The following LRRC75A variants were observed in gnomAD, a reference collection of about 807,000 sequenced individuals.
The protein encoded by LRRC75A is leucine-rich repeat-containing protein 75A.
LRRC75A carries 12 observed loss-of-function variants against 26.0 expected under a neutral mutation model. The observed-to-expected ratio is 0.46, with a 90% CI of 0.30 to 0.75. The LOEUF is 0.75. LRRC75A is among the 30% of genes least tolerant of loss of function. The probability of loss-of-function intolerance (pLI) is 0.08; values close to 1 mark genes in which losing one functional copy is unlikely to be tolerated. For synonymous variants in LRRC75A, 223 were observed against 219.3 expected, an observed-to-expected ratio of 1.02 and a Z score of -0.15; for missense variants, 410 against 486.6, an observed-to-expected ratio of 0.84 and a Z score of 1.48.
In LRRC75A at chr17:16,480,215, G is replaced by A. The variant is rs559260088; in HGVS notation, c.246+11530C>T. On this transcript the variant is annotated intron_variant, in intron 1 of 3. Coordinates refer to ENST00000470794, the MANE Select transcript of LRRC75A (RefSeq NM_001113567.3). ...TAATTATTTCATTATATTACAATGC[G>A]GTAATAACAGAAATAAAGTACACAA... Among the ~76,000 whole-genome samples, 85 of 152,218 alleles carry A rather than the reference G, an allele frequency of 5.6e-4. 1 individual carries two copies. Among genetic ancestry groups the A allele is most frequent in the Middle Eastern group, 6.8e-3 (2 of 294 alleles).
At chr17:16,463,885 G>C (rs1179818280) in intron 1 of LRRC75A, 3 of 152,364 alleles carry the variant, frequency 2.0e-5, no homozygotes, top group Non-Finnish European at 2.9e-5. Context: ...TCTGCCAGGG[G>C]GTGGTGAGAG....
chr17:16,482,331 T>C (rs1352485595), intron 1 of LRRC75A, among the ~76,000 whole-genome samples: 2 of 151,652 alleles, frequency 1.3e-5, no homozygotes, highest in African/African-American at 2.4e-5. Flanking sequence ...GGAGGCTCCA[T>C]GGGGACAGCG....
At chr17:16,454,408 C>T (rs1305306430) in intron 2 of LRRC75A, among the ~76,000 whole-genome samples, 1 of 145,456 alleles carries the variant, frequency 6.9e-6, no homozygotes, top group African/African-American at 2.6e-5. Context: ...AACAAACAAA[C>T]AGGCCAGGCG....
chr17:16,486,798 G>A (rs966882254), intron 1 of LRRC75A, among the ~76,000 whole-genome samples: 2 of 152,212 alleles, frequency 1.3e-5, no homozygotes, highest in African/African-American at 2.4e-5. Flanking sequence ...CCAACCACAC[G>A]GAAAGCAAAC....
In LRRC75A at chr17:16,444,074, G is replaced by A; in HGVS notation, c.549C>T (p.Ile183=). The A allele has an allele frequency of 1.9e-6, 3 of 1,612,560 alleles. No homozygotes were observed. The highest frequency in any genetic ancestry group is 2.5e-6 in the Non-Finnish European group (3 of 1,179,244). ...PPDNTVDLSG[I]PLTSRDLERV... is the part of the protein sequence containing the mutation. ...GCTCCAGGTCTCGGGAGGTCAGTGG[G>A]ATTCCCGACAGGTCCACTGTGTTGT... The change falls in exon 4 of 4, where the codon ATC becomes ATT. Residue 183 remains isoleucine (I), a synonymous_variant. Coordinates refer to ENST00000470794, the MANE Select transcript of LRRC75A (RefSeq NM_001113567.3).
In LRRC75A at chr17:16,444,039, C is replaced by CTA; in HGVS notation, c.583_584insTA (p.Ser195IlefsTer11). Reference sequence around the variant, plus strand: ...CTGCTCCCCACAGCGCTGTAGGTAGCTGGTCACCCGCTCCAGGTCTCGGGA... The same window carrying CTA: ...CTGCTCCCCACAGCGCTGTAGGTAGCTATGGTCACCCGCTCCAGGTCTCGGGA... On this transcript the variant is annotated frameshift_variant, in exon 4 of 4. Transcript: ENST00000470794. LOFTEE classifies it high-confidence loss of function. The CTA allele has an allele frequency of 6.2e-7, 1 of 1,613,662 alleles. No individual in the cohort carries two copies. The highest frequency in any genetic ancestry group is 8.5e-7 in the Non-Finnish European group (1 of 1,179,810).
At chr17:16,474,686 T>G (rs1229030999) in intron 1 of LRRC75A, among the ~76,000 whole-genome samples, 1 of 152,062 alleles carries the variant, frequency 6.6e-6, no homozygotes, top group Non-Finnish European at 1.5e-5. Context: ...TCTGCCCAAG[T>G]GAAATGAAAC....
intron 2 of LRRC75A, among the ~76,000 whole-genome samples, chr17:16,461,468 T>A (rs2093726914): frequency 6.6e-6 from 1 of 152,154 alleles, no homozygotes; most frequent in Non-Finnish European, 1.5e-5. Flanking sequence ...TCCCGCCAGG[T>A]CGGGCTGCAT....
At chr17:16,483,711 G>A (rs1023492260) in intron 1 of LRRC75A, among the ~76,000 whole-genome samples, 4 of 152,172 alleles carry the variant, frequency 2.6e-5, no homozygotes, top group African/African-American at 7.2e-5. Context: ...AGAACTGAGG[G>A]CTCCTGGCTC....
At chr17:16,456,287 AGGAAGAGAAGGAAGAG>A (rs1207914726) in intron 2 of LRRC75A, among the ~76,000 whole-genome samples, 10 of 138,938 alleles carry the variant, frequency 7.2e-5, no homozygotes, top group Non-Finnish European at 1.4e-4. Flanking sequence ...GAAGAGGAGG[AGGAAGAGAAGGAAGAG>A]GAGGAGGAGG....
At chr17:16,482,035 A>G (rs1204001369) in intron 1 of LRRC75A, among the ~76,000 whole-genome samples, 1 of 151,882 alleles carries the variant, frequency 6.6e-6, no homozygotes, top group Non-Finnish European at 1.5e-5. Context: ...AGGAATTCTG[A>G]CTGTTACGCT....
intron 1 of LRRC75A, among the ~76,000 whole-genome samples, chr17:16,487,622 T>C (rs925575327): frequency 1.3e-5 from 2 of 152,216 alleles, no homozygotes; most frequent in Non-Finnish European, 2.9e-5. Context: ...TATTTGCATT[T>C]GTAGAGACAG....
At chr17:16,446,161 G>A (rs1438812144) in intron 3 of LRRC75A, among the ~76,000 whole-genome samples, 1 of 151,974 alleles carries the variant, frequency 6.6e-6, no homozygotes, top group Non-Finnish European at 1.5e-5. Flanking sequence ...CGCCCATCTG[G>A]GCCTCCCAAA....
chr17:16,452,968 C>T (rs937578161), intron 2 of LRRC75A, among the ~76,000 whole-genome samples: 7 of 152,106 alleles, frequency 4.6e-5, no homozygotes, highest in African/African-American at 1.7e-4. Flanking sequence ...CCTGTCCACC[C>T]TCTCAGCCTG....
At chr17:16,472,426 C>T (rs1423415847) in intron 1 of LRRC75A, among the ~76,000 whole-genome samples, 1 of 152,028 alleles carries the variant, frequency 6.6e-6, no homozygotes, top group Non-Finnish European at 1.5e-5. Flanking sequence ...GGGACTGAGA[C>T]CCCCCCACTG....
intron 1 of LRRC75A, among the ~76,000 whole-genome samples, chr17:16,479,467 A>G (rs574595930): frequency 6.6e-6 from 1 of 152,344 alleles, no homozygotes; most frequent in African/African-American, 2.4e-5. Context: ...GTACTGCACA[A>G]GGGTGTCTGA....
intron 3 of LRRC75A, among the ~76,000 whole-genome samples, chr17:16,445,038 G>A (rs917101182): frequency 4.0e-5 from 6 of 150,568 alleles, no homozygotes; most frequent in South Asian, 2.1e-4. Flanking sequence ...TAGTAGAGAC[G>A]GGGTTTCACC....
At chr17:16,478,888 C>G (rs963796273) in intron 1 of LRRC75A, among the ~76,000 whole-genome samples, 1 of 152,162 alleles carries the variant, frequency 6.6e-6, no homozygotes, top group African/African-American at 2.4e-5. Flanking sequence ...AGGACTGGCA[C>G]GTCCTAGGAA....
rs1471140459 is a variant in LRRC75A at position 16,456,401 on chromosome 17, AG to A, written c.375+5856del. Among the ~76,000 whole-genome samples the A allele has an allele frequency of 2.0e-5, 3 of 149,270 alleles. No homozygotes were observed. The East Asian group carries it at 6.0e-4, about 30-fold the overall frequency. On this transcript the variant is annotated intron_variant, in intron 2 of 3. Coordinates refer to ENST00000470794, the MANE Select transcript of LRRC75A (RefSeq NM_001113567.3). Reference sequence around the variant, plus strand: ...GAGGAGGAAGAGAAGAAGGAAAAGGAGGAAGAGGAGGAGGAGGAAGAGGAGC... The same window carrying A: ...GAGGAGGAAGAGAAGAAGGAAAAGGAGAAGAGGAGGAGGAGGAAGAGGAGC...
Sources: allele counts gnomAD v4.1 joint callset (sites outside exome capture counted in the v4.1 genomes callset), GRCh38; gene constraint gnomAD v4.1.1; transcripts MANE v1.5; gene names NCBI Gene and HGNC (gene_info 2026-07-23, HGNC 2026-07-21).